Variants in CARF observed in about 807,000 individuals in gnomAD.
CARF encodes calcium responsive transcription factor, also known as calcium-responsive transcription factor.
A neutral mutation model predicts 82.0 loss-of-function variants in CARF; 57 were observed. That is an observed-to-expected ratio of 0.70 (90% CI 0.56 to 0.87). CARF has a LOEUF of 0.87. Among genes scored for constraint, CARF ranks in the 40% least tolerant of loss-of-function variants. CARF has a pLI of 0.00. For synonymous variants in CARF, 268 were observed against 290.1 expected (o/e 0.92, Z 0.77); for missense variants, 771 against 855.8 (o/e 0.90, Z 1.24).
At chr2:202,975,241 G>A (rs920796305) in intron 13 of CARF, among the ~76,000 whole-genome samples, 1 of 152,136 alleles carries the variant, frequency 6.6e-6, no homozygotes, top group African/African-American at 2.4e-5. Flanking sequence ...AGATCACAAG[G>A]TCAGAAGATA....
At chr2:202,925,313 A>G in intron 3 of CARF, 1 of 347,844 alleles carries the variant, frequency 2.9e-6, no homozygotes. Flanking sequence ...TTCCTCATTC[A>G]GCTGTATGAA....
chr2:202,943,340 C>G (rs2058324821), intron 5 of CARF, among the ~76,000 whole-genome samples: 1 of 152,120 alleles, frequency 6.6e-6, no homozygotes, highest in Non-Finnish European at 1.5e-5. Context: ...TCTCAAAGTT[C>G]TGGGATTACA....
intron 10 of CARF, among the ~76,000 whole-genome samples, chr2:202,969,154 A>G (rs141002954): frequency 0.089 from 13,554 of 152,258 alleles, 743 homozygotes; most frequent in Non-Finnish European, 0.12. Flanking sequence ...TTAGCCAGGC[A>G]TAGTGACACA....
rs144815913 is a variant in CARF at position 202,978,423 on chromosome 2, G to A, written c.1558+1091G>A. On this transcript the variant is annotated intron_variant, in intron 14 of 16. Transcript: ENST00000438828. ...CAATGGCAAATGGGGTTGAGGGAAC[G>A]TATTTTAAGAGTAGAGAACTGAAAA... Among the ~76,000 whole-genome samples the A allele has an allele frequency of 2.3e-3, 352 of 152,284 alleles. 1 individual carries two copies. The highest frequency in any genetic ancestry group is 3.2e-3 in the Non-Finnish European group (216 of 68,032).
intron 15 of CARF, 53 bp downstream of exon 15, chr2:202,981,738 T>C: frequency 6.8e-7 from 1 of 1,472,224 alleles, no homozygotes; most frequent in Non-Finnish European, 9.4e-7. Flanking sequence ...TATTCCTCCA[T>C]TTACCTCTTC....
intron 5 of CARF, among the ~76,000 whole-genome samples, chr2:202,943,651 T>TG (rs2058350241): frequency 8.9e-6 from 1 of 111,852 alleles, no homozygotes; most frequent in South Asian, 3.7e-4. Context: ...ACTCCAGTTT[T>TG]GTTTTTTTTT....
chr2:202,972,427 C>T (rs1165079917), intron 12 of CARF, among the ~76,000 whole-genome samples: 1 of 151,792 alleles, frequency 6.6e-6, no homozygotes, highest in Non-Finnish European at 1.5e-5. Context: ...GCCTGTAATC[C>T]CAGCACTTTG....
chr2:202,943,587 TACACACACACAC>T lies in CARF; in HGVS notation c.306+652_306+663del, dbSNP rs754214990. The stretch of plus-strand genomic sequence containing the variant: ...CATGGAACTTACATTTAATGGAATG[TACACACACACAC>T]ACACACACACACACACACACACACA... On this transcript the variant is annotated intron_variant, in intron 5 of 16. Coordinates refer to ENST00000438828, the MANE Select transcript of CARF (RefSeq NM_024744.17). 5.0e-3 allele frequency among the ~76,000 whole-genome samples: 575 copies of T among 115,182 alleles called. 4 individuals are homozygous for T. Among genetic ancestry groups the T allele is most frequent in the African/African-American group, 0.016 (507 of 30,890 alleles). The allele number at this position is 115,182 out of a possible 152,430, so 75.6% of individuals were successfully genotyped here.
Position 202,942,818 on chromosome 2 carries a change from G to C in CARF, c.157G>C (p.Glu53Gln), listed in dbSNP as rs776088204. Reference sequence around the variant, plus strand: ...TACAGTTTTGCCCATCACTACTCGTGAAGCAAATAATTCACTCATATCACA... The same window carrying C: ...TACAGTTTTGCCCATCACTACTCGTCAAGCAAATAATTCACTCATATCACA... Reference protein sequence around the residue: ...SPTVLPITTREANNSLISQNI... With the variant: ...SPTVLPITTRQANNSLISQNI... The change falls in exon 5 of 17, where the codon GAA becomes CAA. Residue 53 changes from glutamate to glutamine, a missense_variant. Glu to Gln is a conservative substitution (Grantham distance 29). Coordinates refer to ENST00000438828, the MANE Select transcript of CARF (RefSeq NM_024744.17). 6.2e-7 allele frequency: 1 copy of C among 1,613,934 alleles called. No homozygotes were observed. Among genetic ancestry groups the C allele is most frequent in the Admixed American group, 1.7e-5 (1 of 60,018 alleles).
rs1467185172 is a variant in CARF, at chr2:202,920,256, G to A, written c.-163+2213G>A. 4.0e-5 allele frequency among the ~76,000 whole-genome samples: 6 copies of A among 151,372 alleles called. No individual in the cohort carries two copies. The South Asian group carries it at 1.0e-3, about 26-fold the overall frequency. ...TGCAAGCTCCGCCTCCCGGGTTCAC[G>A]CCATTCTCCTGCCTCAGACTCCTGT... is the stretch of plus-strand genomic sequence containing the variant. On this transcript the variant is annotated intron_variant, in intron 2 of 16. Transcript: ENST00000438828.
chr2:202,956,231 GTTTA>G (rs770330734), intron 8 of CARF, among the ~76,000 whole-genome samples: 1 of 151,700 alleles, frequency 6.6e-6, no homozygotes, highest in African/African-American at 2.4e-5. Flanking sequence ...CGTATCACCA[GTTTA>G]TTTATTTATG....
chr2:202,918,209 T>A (rs577585344), intron 2 of CARF, among the ~76,000 whole-genome samples, 166 bp downstream of exon 2: 1 of 152,208 alleles, frequency 6.6e-6, no homozygotes, highest in East Asian at 1.9e-4. Context: ...AATATTAATA[T>A]CTGCATTCTT....
Position 202,961,336 on chromosome 2 carries a change from C to T in CARF, c.742C>T (p.Arg248Cys), listed in dbSNP as rs759933397. Residue 248 changes from arginine to cysteine, a missense_variant, in exon 9 of 17, where the codon CGT becomes TGT. Coordinates refer to ENST00000438828, the MANE Select transcript of CARF (RefSeq NM_024744.17). ...KQQTQSVWGT[R>C]QSPSPAKPAT... ...GCAAACACAGAGTGTTTGGGGGACC[C>T]GTCAGTCTCCAAGCCCAGCCAAGCC... 4.3e-6 allele frequency: 7 copies of T among 1,614,030 alleles called. No individual in the cohort carries two copies. Among genetic ancestry groups the T allele is most frequent in the South Asian group, 1.1e-5 (1 of 91,084 alleles).
intron 6 of CARF, 82 bp from the exon 7 acceptor site, chr2:202,953,923 A>G: frequency 1.6e-6 from 2 of 1,239,578 alleles, no homozygotes; most frequent in Non-Finnish European, 2.1e-6. Context: ...ACCTATTACA[A>G]ATACATAAGT....
At chr2:202,962,377 G>C (rs1484486201) in intron 9 of CARF, 1 of 152,024 alleles carries the variant, frequency 6.6e-6, no homozygotes, top group Admixed American at 6.6e-5. Flanking sequence ...TGTAGTCCCA[G>C]CTATTTGGGA....
In CARF at chr2:202,986,875, T is replaced by TATATATATATAC. The variant is rs1478003890; in HGVS notation, c.*3262_*3263insCATATATATATA. The TATATATATATAC allele has an allele frequency of 2.5e-3, 228 of 91,658 alleles. 5 individuals are homozygous for TATATATATATAC. Among genetic ancestry groups the TATATATATATAC allele is most frequent in the African/African-American group, 8.4e-3 (217 of 25,884 alleles). 5.7% of individuals were successfully genotyped at this position (91,658 alleles called of 1,614,324 possible). On this transcript the variant is annotated 3_prime_UTR_variant, in exon 17 of 17. Coordinates refer to ENST00000438828, the MANE Select transcript of CARF (RefSeq NM_024744.17). Reference sequence around the variant, plus strand: ...TTTAAAAAATGTCTGTGCGTATATATATATATATATATATATATATATATA... The same window carrying TATATATATATAC: ...TTTAAAAAATGTCTGTGCGTATATATATATATATATACATATATATATATATATATATATATA...
In CARF at chr2:202,987,598, G is replaced by GAAT. The variant is rs1198180486; in HGVS notation, c.*3979_*3981dup. Among the ~76,000 whole-genome samples the GAAT allele has an allele frequency of 1.3e-5, 2 of 152,042 alleles. No individual in the cohort carries two copies. The highest frequency in any genetic ancestry group is 2.9e-5 in the Non-Finnish European group (2 of 67,996). On this transcript the variant is annotated 3_prime_UTR_variant, in exon 17 of 17. Transcript: ENST00000438828. ...CATGTTATGTATAAATTTTACTGTT[G>GAAT]AATAATACAAGTATTCATTGCTGAC...
At chr2:202,972,964 C>T (rs2059864090) in intron 12 of CARF, among the ~76,000 whole-genome samples, 1 of 152,040 alleles carries the variant, frequency 6.6e-6, no homozygotes, top group South Asian at 2.1e-4. Flanking sequence ...GTAAAAGAAG[C>T]AGGGGTCTTG....
In CARF at chr2:202,969,921, T is replaced by A; in HGVS notation, c.956T>A (p.Ile319Asn). 1 of 1,493,514 alleles carries A rather than the reference T, an allele frequency of 6.7e-7. No homozygotes were observed. Among genetic ancestry groups the A allele is most frequent in the Non-Finnish European group, 9.0e-7 (1 of 1,115,776 alleles). 92.5% of individuals were successfully genotyped at this position (1,493,514 alleles called of 1,614,324 possible). The change falls in exon 11 of 17, where the codon ATT (isoleucine) becomes AAT (asparagine). Residue 319 changes from isoleucine to asparagine, a missense_variant and splice_region_variant. Ile to Asn is a moderately radical substitution (Grantham distance 149). Transcript: ENST00000438828. ...QLYKATCPARIYIKKVQKFPE... is the reference protein window; with the variant it reads ...QLYKATCPARNYIKKVQKFPE... Reference sequence around the variant, plus strand: ...ATTCTTCTTTATCTTGTATAAAGGATTTACATTAAAAAGGTACAGAAGTTT... The same window carrying A: ...ATTCTTCTTTATCTTGTATAAAGGAATTACATTAAAAAGGTACAGAAGTTT...
Sources: allele counts gnomAD v4.1 joint callset (sites outside exome capture counted in the v4.1 genomes callset), GRCh38; gene constraint gnomAD v4.1.1; transcripts MANE v1.5; gene names NCBI Gene and HGNC (gene_info 2026-07-23, HGNC 2026-07-21).